DNAH10: variants seen among roughly 807,000 people sequenced by gnomAD.
DNAH10 encodes the protein axonemal beta dynein heavy chain 10.
DNAH10 carries 348 observed loss-of-function variants against 506.6 expected under a neutral mutation model. The observed-to-expected ratio is 0.69, with a 90% CI of 0.63 to 0.75. DNAH10 has a LOEUF of 0.75. DNAH10 is among the 30% of genes least tolerant of loss of function. The pLI is 0.00. For synonymous variants in DNAH10, 2,059 were observed against 2,198.6 expected, an observed-to-expected ratio of 0.94 and a Z score of 1.78; for missense variants, 5,179 against 5,787.1, an observed-to-expected ratio of 0.89 and a Z score of 3.41.
chr12:123,881,468 C>T (rs1445247222), intron 50 of DNAH10, among the ~76,000 whole-genome samples, 157 bp from the exon 51 acceptor site: 2 of 152,122 alleles, frequency 1.3e-5, no homozygotes, highest in Non-Finnish European at 2.9e-5. Context: ...AGTGTCTGTT[C>T]GTATCCTTCG....
chr12:123,845,139 G>A (rs1186466894), intron 30 of DNAH10, among the ~76,000 whole-genome samples: 2 of 152,124 alleles, frequency 1.3e-5, no homozygotes, highest in Non-Finnish European at 1.5e-5. Context: ...GGGACTACAG[G>A]CATGCGTCAT....
At chr12:123,782,987 G>A (rs1957719789) in intron 6 of DNAH10, 120 bp from the exon 7 acceptor site, 1 of 751,774 alleles carries the variant, frequency 1.3e-6, no homozygotes, top group South Asian at 1.7e-5. Context: ...GACAGGGGAT[G>A]CGTCAGACCT....
At chr12:123,901,030 G>A (rs1464317114) in intron 56 of DNAH10, among the ~76,000 whole-genome samples, 2 of 152,208 alleles carry the variant, frequency 1.3e-5, no homozygotes, top group African/African-American at 4.8e-5. Flanking sequence ...AGAGGGTAGG[G>A]TGGAGTGCAA....
chr12:123,933,500 G>T lies in DNAH10; in HGVS notation c.13466G>T (p.Arg4489Leu), dbSNP rs778688644. 5.0e-6 allele frequency: 8 copies of T among 1,602,676 alleles called. No individual in the cohort carries two copies. The highest frequency in any genetic ancestry group is 6.8e-6 in the Non-Finnish European group (8 of 1,173,150). Residue 4489 changes from arginine to leucine, a missense_variant, in exon 77 of 79, where the codon CGG (arginine) becomes CTG (leucine). Transcript: ENST00000673944. The part of the protein sequence containing the change: ...KFQDADEVNE[R>L]AGQGCFVSGL... ...CAGGATGCAGATGAAGTGAATGAGCGGGCGGGACAAGGTACCGTCAGCTCG... is the reference window on the plus strand; with the variant it reads ...CAGGATGCAGATGAAGTGAATGAGCTGGCGGGACAAGGTACCGTCAGCTCG...
Position 123,774,129 on chromosome 12 carries a change from C to A in DNAH10, c.506-20C>A. 1 of 1,549,820 alleles carries A rather than the reference C, an allele frequency of 6.5e-7. No individual in the cohort carries two copies. Among genetic ancestry groups the A allele is most frequent in the Non-Finnish European group, 8.8e-7 (1 of 1,136,400 alleles). ...TGCTCTCTCCCACTGACCTTACATT[C>A]TACACCTGTTCTTCTTTAGAGGCAA... On this transcript the variant is annotated intron_variant, in intron 4 of 78. Transcript: ENST00000673944.
intron 21 of DNAH10, among the ~76,000 whole-genome samples, chr12:123,815,756 A>G (rs553250296): frequency 1.9e-4 from 29 of 152,380 alleles, no homozygotes; most frequent in African/African-American, 6.3e-4. Context: ...TTGTGCAAAC[A>G]TCATGGAATG....
intron 55 of DNAH10, 122 bp from the exon 56 acceptor site, chr12:123,898,531 A>C: frequency 1.6e-6 from 2 of 1,254,728 alleles, no homozygotes. Flanking sequence ...ACTGAAAGAC[A>C]TGTGCCATCT....
At chr12:123,911,405 T>G (rs1219027363) in intron 59 of DNAH10, among the ~76,000 whole-genome samples, 1 of 2,870 alleles carries the variant, frequency 3.5e-4, no homozygotes, top group Non-Finnish European at 6.0e-4. Context: ...CCTGGGGGGG[T>G]CTGTCCTGGG....
chr12:123,771,105 G>A (rs956287066), intron 2 of DNAH10, among the ~76,000 whole-genome samples: 1 of 151,458 alleles, frequency 6.6e-6, no homozygotes, highest in East Asian at 1.9e-4. Flanking sequence ...GAGTAGCTGC[G>A]ATTACAGGCA....
At chr12:123,813,981 G>GT in intron 21 of DNAH10, 69 bp downstream of exon 21, 1 of 1,423,708 alleles carries the variant, frequency 7.0e-7, no homozygotes, top group Non-Finnish European at 9.3e-7. Context: ...TTTCAGAAAT[G>GT]CTTCTCAAGT....
rs866110063 is a variant in DNAH10, at chr12:123,903,049, C to T, written c.9751C>T (p.Pro3251Ser). 6.2e-7 allele frequency: 1 copy of T among 1,610,216 alleles called. No individual in the cohort carries two copies. The highest frequency in any genetic ancestry group is 8.5e-7 in the Non-Finnish European group (1 of 1,178,270). Reference protein sequence around the residue: ...EAETTLAEVMPILEAAKLELQ... With the variant: ...EAETTLAEVMSILEAAKLELQ... ...CGAGACGACCCTGGCAGAGGTCATG[C>T]CCATCCTGGAGGCCGCCAAGCTGGA... Residue 3251 changes from proline to serine, a missense_variant, in exon 57 of 79, where the codon CCC becomes TCC. Pro to Ser is a moderately conservative substitution (Grantham distance 74). Around this residue, in one of 3 missense-constraint regions of DNAH10, gnomAD observed 4,844 missense variants for 5,430.5 expected, o/e 0.89. Transcript: ENST00000673944. The surrounding 1 kb of genome is among the most constrained non-coding windows in gnomAD (Gnocchi z 4.6).
chr12:123,775,326 C>G (rs756182399), intron 5 of DNAH10, among the ~76,000 whole-genome samples: 2 of 152,140 alleles, frequency 1.3e-5, no homozygotes, highest in African/African-American at 4.8e-5. Flanking sequence ...CTAGGCTGGT[C>G]TCCAACTCCT....
At chr12:123,776,818 A>C (rs1383156230) in intron 5 of DNAH10, among the ~76,000 whole-genome samples, 1 of 152,188 alleles carries the variant, frequency 6.6e-6, no homozygotes, top group African/African-American at 2.4e-5. Flanking sequence ...TGTATTTCAT[A>C]GCAATGAACA....
chr12:123,832,824 C>T (rs187498727), intron 26 of DNAH10, among the ~76,000 whole-genome samples: 2 of 152,146 alleles, frequency 1.3e-5, no homozygotes, highest in Non-Finnish European at 2.9e-5. Context: ...TGTCTGAGCC[C>T]CAGTTGCCAT....
chr12:123,771,373 C>T (rs1957246406), intron 2 of DNAH10, among the ~76,000 whole-genome samples: 1 of 152,156 alleles, frequency 6.6e-6, no homozygotes, highest in African/African-American at 2.4e-5. Flanking sequence ...CAGACACAAA[C>T]ATGTAAAATT....
chr12:123,857,122 C>T lies in DNAH10; in HGVS notation c.6505C>T (p.Leu2169Phe). 6.2e-7 allele frequency: 1 copy of T among 1,612,982 alleles called. No individual in the cohort carries two copies. The highest frequency in any genetic ancestry group is 8.5e-7 in the Non-Finnish European group (1 of 1,179,516). The change falls in exon 37 of 79, where the codon CTT (leucine) becomes TTT (phenylalanine). Residue 2169 changes from leucine (L) to phenylalanine (F), a missense_variant. Transcript: ENST00000673944. ...LPKFVFEDVP[L>F]FLGLISDLFP... ...CAAATTTGTGTTTGAAGATGTTCCT[C>T]TTTTCCTTGGTTTGATTTCGGATCT... is the stretch of plus-strand genomic sequence containing the variant.
At position 123,813,618 on chromosome 12, in the gene DNAH10, A is replaced by G. The variant is rs1959028984; in HGVS notation, c.3599A>G (p.Tyr1200Cys). Residue 1200 changes from tyrosine to cysteine, a missense_variant, in exon 20 of 79, where the codon TAT becomes TGT. Coordinates refer to ENST00000673944, the MANE Select transcript of DNAH10 (RefSeq NM_001372106.1). Reference sequence around the variant, plus strand: ...AATGAGTCAGCAAAAGAGGAGCTCTATAATCTCCATGAAGAGATGGAGGTA... The same window carrying G: ...AATGAGTCAGCAAAAGAGGAGCTCTGTAATCTCCATGAAGAGATGGAGGTA... ...LLNESAKEEL[Y>C]NLHEEMEHLA... is the part of the protein sequence containing the mutation. 1 of 1,614,208 alleles carries G rather than the reference A, an allele frequency of 6.2e-7. No homozygotes were observed.
chr12:123,775,728 C>T (rs1957415568), intron 5 of DNAH10, among the ~76,000 whole-genome samples: 1 of 152,084 alleles, frequency 6.6e-6, no homozygotes, highest in African/African-American at 2.4e-5. Context: ...CATTTTACCT[C>T]TGGCTATTGT....
intron 57 of DNAH10, among the ~76,000 whole-genome samples, chr12:123,908,735 C>G (rs913983459): frequency 6.6e-6 from 1 of 152,190 alleles, no homozygotes; most frequent in Non-Finnish European, 1.5e-5. Flanking sequence ...GGCAACATAG[C>G]CTGGAAAGAG....
Sources: allele counts gnomAD v4.1 joint callset (sites outside exome capture counted in the v4.1 genomes callset), GRCh38; gene constraint gnomAD v4.1.1; regional missense constraint gnomAD v4.1.1; non-coding constraint Gnocchi (gnomAD v3.1); transcripts MANE v1.5; gene names NCBI Gene and HGNC (gene_info 2026-07-23, HGNC 2026-07-21).